Variants in WDHD1 observed in about 807,000 individuals in gnomAD.
WDHD1 encodes the protein WD repeat and HMG-box DNA-binding protein 1.
A neutral mutation model predicts 135.4 loss-of-function variants in WDHD1; 111 were observed. That is an observed-to-expected ratio of 0.82 (90% confidence interval 0.70 to 0.96). WDHD1 has a LOEUF of 0.96. Ranked by LOEUF, WDHD1 falls within the 40% of genes least tolerant of loss-of-function variation. The pLI is 0.00. For synonymous variants in WDHD1, 434 were observed against 439.0 expected (o/e 0.99, Z 0.14); for missense variants, 1,351 against 1,336.3 (o/e 1.01, Z -0.17).
At chr14:55,020,859 A>T (rs529607397) in intron 2 of WDHD1, among the ~76,000 whole-genome samples, 191 of 152,378 alleles carry the variant, frequency 1.3e-3, no homozygotes, top group Middle Eastern at 6.8e-3. Flanking sequence ...GTATCTGTAC[A>T]ATACAGCAAT....
At chr14:54,958,596 C>T (rs1156432249) in intron 21 of WDHD1, among the ~76,000 whole-genome samples, 1 of 152,222 alleles carries the variant, frequency 6.6e-6, no homozygotes, top group East Asian at 1.9e-4. Flanking sequence ...CTTTCAGTCA[C>T]CTTGTTTGCT....
intron 11 of WDHD1, among the ~76,000 whole-genome samples, chr14:54,992,182 C>T (rs1246062134): frequency 5.3e-5 from 8 of 151,090 alleles, no homozygotes; most frequent in Non-Finnish European, 1.0e-4. Context: ...CGCTTGAACC[C>T]GGGAGACTCC....
intron 2 of WDHD1, among the ~76,000 whole-genome samples, chr14:55,022,073 A>G (rs1264506328): frequency 6.6e-6 from 1 of 152,168 alleles, no homozygotes; most frequent in Non-Finnish European, 1.5e-5. Flanking sequence ...GGGCAAGTAT[A>G]CCAGTTTGAC....
At chr14:54,976,525 G>C (rs2041527114) in intron 16 of WDHD1, among the ~76,000 whole-genome samples, 1 of 152,134 alleles carries the variant, frequency 6.6e-6, no homozygotes, top group Non-Finnish European at 1.5e-5. Context: ...AGCCAAAATA[G>C]GTAAGGCTCT....
Position 54,939,210 on chromosome 14 carries a change from C to T in WDHD1, c.*2280G>A, listed in dbSNP as rs2040806232. On this transcript the variant is annotated 3_prime_UTR_variant, in exon 26 of 26. Coordinates refer to ENST00000360586, the MANE Select transcript of WDHD1 (RefSeq NM_007086.4). ...AAAACAGATGGGAAACAAAGAGGGC[C>T]CATAAGACAGTCACTGATTAAGATG... is the stretch of plus-strand genomic sequence containing the variant. 6.6e-6 allele frequency: 1 copy of T among 152,064 alleles called. No homozygotes were observed. Among genetic ancestry groups the T allele is most frequent in the African/African-American group, 2.4e-5 (1 of 41,404 alleles). 9.4% of individuals were successfully genotyped at this position (152,064 alleles called of 1,614,324 possible). A position where few individuals can be genotyped will look rare whatever the true frequency, so the allele number is the denominator to read the frequency against.
intron 12 of WDHD1, among the ~76,000 whole-genome samples, chr14:54,990,002 T>C (rs2041758760): frequency 6.6e-6 from 1 of 152,130 alleles, no homozygotes; most frequent in Non-Finnish European, 1.5e-5. Flanking sequence ...AAACTTATCT[T>C]CCACTGATGT....
chr14:54,987,888 A>G (rs538420941), intron 13 of WDHD1, among the ~76,000 whole-genome samples: 1 of 152,294 alleles, frequency 6.6e-6, no homozygotes, highest in South Asian at 2.1e-4. Context: ...TGGCCTCCCA[A>G]AGTGCCGGGA....
chr14:54,969,418 T>C (rs1273559510), intron 16 of WDHD1, among the ~76,000 whole-genome samples: 3 of 149,932 alleles, frequency 2.0e-5, no homozygotes, highest in Middle Eastern at 7.1e-3. Flanking sequence ...AACTGACAAG[T>C]GGGACCTAAT....
intron 4 of WDHD1, among the ~76,000 whole-genome samples, chr14:55,009,816 T>C (rs1158804016): frequency 1.3e-5 from 2 of 152,104 alleles, no homozygotes; most frequent in African/African-American, 4.8e-5. Flanking sequence ...AGCAGTATAT[T>C]TCTTTCCTTT....
At chr14:55,021,407 CTTT>C (rs775469379) in intron 2 of WDHD1, among the ~76,000 whole-genome samples, 3 of 142,940 alleles carry the variant, frequency 2.1e-5, no homozygotes, top group Non-Finnish European at 3.1e-5. Context: ...ATTAGCGTTC[CTTT>C]TTTTTTTTTT....
intron 16 of WDHD1, among the ~76,000 whole-genome samples, chr14:54,969,914 C>T (rs2041404359): frequency 6.6e-6 from 1 of 151,960 alleles, no homozygotes. Flanking sequence ...TCAATATATG[C>T]AATTCACTGC....
intron 6 of WDHD1, 21 bp downstream of exon 6, chr14:55,008,295 A>G (rs1218220963): frequency 6.2e-7 from 1 of 1,608,624 alleles, no homozygotes; most frequent in Middle Eastern, 1.7e-4. Flanking sequence ...AAAAACTTTA[A>G]ATTTAAATTG....
At chr14:54,980,821 A>C (rs201614471) in intron 16 of WDHD1, among the ~76,000 whole-genome samples, 27 of 148,732 alleles carry the variant, frequency 1.8e-4, no homozygotes, top group Middle Eastern at 3.6e-3. Context: ...AAAAAAAAAA[A>C]AAAACTCAGC....
intron 2 of WDHD1, among the ~76,000 whole-genome samples, chr14:55,016,023 C>T (rs181187067): frequency 3.9e-5 from 6 of 152,300 alleles, no homozygotes; most frequent in African/African-American, 1.4e-4. Flanking sequence ...GGTGTATCAG[C>T]AGATGCACTG....
intron 2 of WDHD1, among the ~76,000 whole-genome samples, chr14:55,019,539 T>C (rs1594596004): frequency 6.6e-6 from 1 of 152,178 alleles, no homozygotes; most frequent in East Asian, 1.9e-4. Context: ...ATAAACCAGA[T>C]TTTAGTTATA....
chr14:55,013,547 A>T lies in WDHD1; in HGVS notation c.127T>A (p.Leu43Met). ...ATGAACTTAGGATCATCATCATCCAAGTCTTCCCAAATCCTCACATCACCA... is the reference window on the plus strand; with the variant it reads ...ATGAACTTAGGATCATCATCATCCATGTCTTCCCAAATCCTCACATCACCA... ...SDGDVRIWEDLDDDDPKFINV... is the reference protein window; with the variant it reads ...SDGDVRIWEDMDDDDPKFINV... Residue 43 changes from leucine (L) to methionine (M), a missense_variant, in exon 3 of 26, where the codon TTG becomes ATG. This residue lies in a region of WDHD1 where 1,330 missense variants were observed against 1,296.1 expected (regional missense o/e 1.03). Coordinates refer to ENST00000360586, the MANE Select transcript of WDHD1 (RefSeq NM_007086.4). 1 of 1,614,128 alleles carries T rather than the reference A, an allele frequency of 6.2e-7. No homozygotes were observed.
At chr14:54,999,504 T>C (rs1172853039) in intron 10 of WDHD1, among the ~76,000 whole-genome samples, 1 of 152,186 alleles carries the variant, frequency 6.6e-6, no homozygotes, top group African/African-American at 2.4e-5. Flanking sequence ...GCAAACTGAG[T>C]AGCACCTCAA....
chr14:54,980,964 A>G (rs2041609256), intron 16 of WDHD1, among the ~76,000 whole-genome samples: 2 of 151,744 alleles, frequency 1.3e-5, no homozygotes, highest in South Asian at 2.1e-4. Flanking sequence ...CAAAAAAATC[A>G]GCCAGGCGTG....
At chr14:54,946,346 G>A (rs896899460) in intron 24 of WDHD1, among the ~76,000 whole-genome samples, 1 of 152,160 alleles carries the variant, frequency 6.6e-6, no homozygotes, top group African/African-American at 2.4e-5. Context: ...ACAGCCACCT[G>A]GCTAAAACTG....
Sources: gnomAD v4.1 joint callset for allele counts (sites outside exome capture counted in the v4.1 genomes callset) on GRCh38, gnomAD v4.1.1 for gene constraint, gnomAD v4.1.1 regional missense constraint, MANE v1.5 for transcripts, NCBI Gene and HGNC (gene_info 2026-07-23, HGNC 2026-07-21) for gene names.